Variants in TBKBP1 observed in about 807,000 individuals in gnomAD.
TBKBP1 encodes TBK1 binding protein 1, also known as TANK-binding kinase 1-binding protein 1.
Under a neutral mutation model 69.9 loss-of-function variants are expected in TBKBP1, and 47 were observed. The ratio of observed to expected loss-of-function variants is 0.67; its 90% CI spans 0.53 to 0.86. The LOEUF (loss-of-function observed/expected upper bound fraction) is 0.86. Among genes scored for constraint, TBKBP1 ranks in the 40% least tolerant of loss-of-function variants. The pLI is 0.00. For missense variants in TBKBP1, 831 were observed against 858.6 expected, an observed-to-expected ratio of 0.97 and a Z score of 0.40; for synonymous variants, 418 against 390.3, an observed-to-expected ratio of 1.07 and a Z score of -0.84.
rs1401936396 is a variant in TBKBP1, at chr17:47,699,627, C to A, written c.811-9C>A. ...GCTTGGGCTCTGACCTCTTCATCTT[C>A]TTCCTTAGGATCTGGCCTCCAACCA... On this transcript the variant is annotated splice_polypyrimidine_tract_variant and intron_variant, in intron 6 of 9. Coordinates refer to ENST00000578982, the MANE Select transcript of TBKBP1 (RefSeq NM_001394755.1). 8 of 1,613,892 alleles carry A rather than the reference C, an allele frequency of 5.0e-6. No individual in the cohort carries two copies. The highest frequency in any genetic ancestry group is 6.8e-6 in the Non-Finnish European group (8 of 1,179,906).
At position 47,708,959 on chromosome 17, in the gene TBKBP1, C is replaced by T; in HGVS notation, c.1226C>T (p.Pro409Leu). 8.3e-7 allele frequency: 1 copy of T among 1,198,280 alleles called. No homozygotes were observed. The highest frequency in any genetic ancestry group is 1.0e-6 in the Non-Finnish European group (1 of 961,204). The allele number at this position is 1,198,280 out of a possible 1,614,324, so 74.2% of individuals were successfully genotyped here. A position where few individuals can be genotyped will look rare whatever the true frequency, so the allele number is the denominator to read the frequency against. Residue 409 changes from proline to leucine, a missense_variant, in exon 9 of 10, where the codon CCC (proline) becomes CTC (leucine). Pro to Leu is a moderately conservative substitution (Grantham distance 98). Transcript: ENST00000578982. This position sits in a 1 kb window ranked among gnomAD's most constrained non-coding sequence, Gnocchi z 4.4. ...RSPVPPSCQSPSPQRRSPVPP... is the reference protein window; with the variant it reads ...RSPVPPSCQSLSPQRRSPVPP... ...CCGGTGCCGCCGTCGTGCCAGTCCCCCAGCCCGCAGCGCCGTTCCCCGGTG... is the reference window on the plus strand; with the variant it reads ...CCGGTGCCGCCGTCGTGCCAGTCCCTCAGCCCGCAGCGCCGTTCCCCGGTG...
Position 47,708,245 on chromosome 17 carries a change from G to A in TBKBP1, c.873-149G>A, listed in dbSNP as rs952353700. On this transcript the variant is annotated intron_variant, in intron 7 of 9. Transcript: ENST00000578982. The surrounding 1 kb of genome is among the most constrained non-coding windows in gnomAD (Gnocchi z 4.4). The stretch of plus-strand genomic sequence containing the variant: ...CTTTTGAGCTGGACCTTAAAGGTAG[G>A]GAGGATTTCTGCAATTGGGGTAGGA... 5.4e-6 allele frequency: 4 copies of A among 744,216 alleles called. No homozygotes were observed. The highest frequency in any genetic ancestry group is 8.8e-6 in the Non-Finnish European group (4 of 453,900). The allele number at this position is 744,216 out of a possible 1,614,324, so 46.1% of individuals were successfully genotyped here. A position where few individuals can be genotyped will look rare whatever the true frequency, so the allele number is the denominator to read the frequency against.
chr17:47,703,778 G>A (rs1391337511), intron 7 of TBKBP1, among the ~76,000 whole-genome samples: 7 of 151,778 alleles, frequency 4.6e-5, no homozygotes. Flanking sequence ...CACTATGCGA[G>A]GTGATTTACC....
intron 6 of TBKBP1, 54 bp from the exon 7 acceptor site, chr17:47,699,582 A>G (rs1240731858): frequency 1.2e-6 from 2 of 1,613,112 alleles, no homozygotes; most frequent in Non-Finnish European, 1.7e-6. Flanking sequence ...AACTGTAGAC[A>G]AGGGCCCTGG....
rs1164577959 is a variant in TBKBP1 at position 47,710,856 on chromosome 17, T to C, written c.*230T>C. The C allele has an allele frequency of 1.9e-6, 1 of 514,310 alleles. No individual in the cohort carries two copies. Among genetic ancestry groups the C allele is most frequent in the East Asian group, 3.6e-5 (1 of 27,986 alleles). The allele number at this position is 514,310 out of a possible 1,614,324, so 31.9% of individuals were successfully genotyped here. A position where few individuals can be genotyped will look rare whatever the true frequency, so the allele number is the denominator to read the frequency against. On this transcript the variant is annotated 3_prime_UTR_variant, in exon 10 of 10. Transcript: ENST00000578982. ...TCCCCCCATGCTCCTGGTTTCTGCT[T>C]AGGAGGTGGGGACTTGGGCTGGGAT...
Position 47,696,313 on chromosome 17 carries a change from C to T in TBKBP1, c.201C>T (p.Arg67=). The T allele has an allele frequency of 6.2e-7, 1 of 1,613,182 alleles. No individual in the cohort carries two copies. The highest frequency in any genetic ancestry group is 1.3e-5 in the African/African-American group (1 of 75,006). ...AGAGGGAGAACGCCACCCTCCGACG[C>T]CGCCTCAAAGTCTACGAGATCAAGG... ...GLERENATLR[R]RLKVYEIKYP... Residue 67 remains arginine, a synonymous_variant, in exon 2 of 10, where the codon CGC becomes CGT. Transcript: ENST00000578982.
At position 47,709,237 on chromosome 17, in the gene TBKBP1, C is replaced by A; in HGVS notation, c.1504C>A (p.Pro502Thr). Residue 502 changes from proline (P) to threonine (T), a missense_variant, in exon 9 of 10, where the codon CCC becomes ACC. Physicochemically the swap from Pro to Thr is conservative, Grantham distance 38. Transcript: ENST00000578982. ...YGSELYGPGR[P>T]LSPRRAFEGI... The stretch of plus-strand genomic sequence containing the variant: ...CAGCGAGCTCTACGGCCCTGGCAGG[C>A]CCCTCAGCCCGCGGCGCGCCTTCGA... The A allele has an allele frequency of 6.6e-7, 1 of 1,524,138 alleles. No individual in the cohort carries two copies. The highest frequency in any genetic ancestry group is 8.7e-7 in the Non-Finnish European group (1 of 1,145,020). 94.4% of individuals were successfully genotyped at this position (1,524,138 alleles called of 1,614,324 possible).
At chr17:47,705,325 A>T (rs933182474) in intron 7 of TBKBP1, among the ~76,000 whole-genome samples, 1 of 152,222 alleles carries the variant, frequency 6.6e-6, no homozygotes, top group Non-Finnish European at 1.5e-5. Flanking sequence ...TGTAAGCCTC[A>T]GTTTTCTCAT....
intron 7 of TBKBP1, among the ~76,000 whole-genome samples, chr17:47,705,807 G>A (rs2031675683): frequency 6.6e-6 from 1 of 152,234 alleles, no homozygotes; most frequent in African/African-American, 2.4e-5. Flanking sequence ...AGGCCATGGG[G>A]CATCAGGAGG....
intron 2 of TBKBP1, 28 bp from the exon 3 acceptor site, chr17:47,696,683 C>T (rs763210867): frequency 6.2e-7 from 1 of 1,613,668 alleles, no homozygotes; most frequent in Admixed American, 1.7e-5. Context: ...CGGGAATCCA[C>T]TCTCCTGAAG....
intron 7 of TBKBP1, 77 bp downstream of exon 7, chr17:47,699,774 C>G: frequency 6.5e-7 from 1 of 1,547,064 alleles, no homozygotes; most frequent in South Asian, 1.1e-5. Flanking sequence ...GGTGTGGTGT[C>G]TGGGCTGCTG....
chr17:47,710,638 C>T lies in TBKBP1; in HGVS notation c.*12C>T, dbSNP rs765221279. On this transcript the variant is annotated 3_prime_UTR_variant, in exon 10 of 10. Coordinates refer to ENST00000578982, the MANE Select transcript of TBKBP1 (RefSeq NM_001394755.1). The stretch of plus-strand genomic sequence containing the variant: ...ACAGCAAGATCTAGGGCACCAGCCC[C>T]ACCCACTGGCTGTTTCTCCGTCCTC... The T allele has an allele frequency of 1.5e-5, 24 of 1,590,408 alleles. No homozygotes were observed. The highest frequency in any genetic ancestry group is 6.7e-5 in the Admixed American group (4 of 59,570).
intron 9 of TBKBP1, 140 bp from the exon 10 acceptor site, chr17:47,710,358 C>T (rs546385166): frequency 9.7e-5 from 109 of 1,124,132 alleles, no homozygotes; most frequent in East Asian, 2.1e-4. Context: ...TGGGGGAGGA[C>T]GGTGCTGAAG....
Position 47,709,221 on chromosome 17 carries a change from C to CTACG in TBKBP1, c.1489_1492dup (p.Gly498ValfsTer104). The stretch of plus-strand genomic sequence containing the variant: ...AGCCCCGGGCCTACGGCAGCGAGCT[C>CTACG]TACGGCCCTGGCAGGCCCCTCAGCC... On this transcript the variant is annotated frameshift_variant, in exon 9 of 10. Transcript: ENST00000578982. LOFTEE classifies it high-confidence loss of function. The CTACG allele has an allele frequency of 6.5e-7, 1 of 1,527,026 alleles. No homozygotes were observed. The highest frequency in any genetic ancestry group is 2.6e-5 in the East Asian group (1 of 38,218). The allele number at this position is 1,527,026 out of a possible 1,614,324, so 94.6% of individuals were successfully genotyped here.
intron 7 of TBKBP1, among the ~76,000 whole-genome samples, chr17:47,705,864 G>T (rs2031678683): frequency 6.6e-6 from 1 of 152,182 alleles, no homozygotes; most frequent in Non-Finnish European, 1.5e-5. Context: ...CTTTGTGAGG[G>T]TTGCCTGAAG....
intron 7 of TBKBP1, among the ~76,000 whole-genome samples, chr17:47,700,714 G>A (rs1449887080): frequency 6.6e-6 from 1 of 152,072 alleles, no homozygotes; most frequent in Non-Finnish European, 1.5e-5. Flanking sequence ...ACACAGCCGT[G>A]GGGTGGGGAG....
rs202095370 is a variant in TBKBP1, at chr17:47,696,746, C to T, written c.261C>T (p.Gly87=). 726 of 1,613,958 alleles carry T rather than the reference C, an allele frequency of 4.5e-4. 3 individuals are homozygous for T. The highest frequency in any genetic ancestry group is 2.8e-3 in the Middle Eastern group (17 of 6,062). Residue 87 remains glycine (G), a synonymous_variant, in exon 3 of 10, where the codon GGC becomes GGT. Coordinates refer to ENST00000578982, the MANE Select transcript of TBKBP1 (RefSeq NM_001394755.1). ...PLISDFGEEH[G]FSLYEIKDGS... Reference sequence around the variant, plus strand: ...TCAGTGACTTTGGAGAGGAGCATGGCTTTTCTCTGTATGAAATCAAGGATG... The same window carrying T: ...TCAGTGACTTTGGAGAGGAGCATGGTTTTTCTCTGTATGAAATCAAGGATG...
Position 47,699,743 on chromosome 17 carries a change from C to A in TBKBP1, c.872+46C>A, listed in dbSNP as rs761757723. On this transcript the variant is annotated intron_variant, in intron 7 of 9. Coordinates refer to ENST00000578982, the MANE Select transcript of TBKBP1 (RefSeq NM_001394755.1). The stretch of plus-strand genomic sequence containing the variant: ...TGGTCCCTCCGTGATGTTTGGGAGA[C>A]CTCCCCTCCCAGCCCTCAGGGGTGT... The A allele has an allele frequency of 4.4e-6, 7 of 1,608,398 alleles. No individual in the cohort carries two copies. In the African/African-American group the frequency reaches 9.4e-5, roughly 22 times the overall value.
intron 1 of TBKBP1, 29 bp from the exon 2 acceptor site, chr17:47,696,050 C>T: frequency 7.5e-7 from 1 of 1,327,964 alleles, no homozygotes; most frequent in East Asian, 2.4e-5. Flanking sequence ...GACAGACGGC[C>T]CTGTCCACGG....
Sources: gnomAD v4.1 joint callset for allele counts (sites outside exome capture counted in the v4.1 genomes callset) on GRCh38, gnomAD v4.1.1 for gene constraint, Gnocchi (gnomAD v3.1) non-coding constraint, MANE v1.5 for transcripts, NCBI Gene and HGNC (gene_info 2026-07-23, HGNC 2026-07-21) for gene names.